Variants in ARFGEF2 observed in about 807,000 individuals in gnomAD.
The protein encoded by ARFGEF2 is ARF guanine nucleotide exchange factor 2, also known as brefeldin A-inhibited guanine nucleotide-exchange protein 2.
A neutral mutation model predicts 219.9 loss-of-function variants in ARFGEF2; 74 were observed. The observed-to-expected ratio is 0.34, with a 90% confidence interval of 0.28 to 0.41. The LOEUF (loss-of-function observed/expected upper bound fraction) is 0.41. ARFGEF2 is among the 10% of genes least tolerant of loss of function. The pLI is 1.00. For synonymous variants in ARFGEF2, 733 were observed against 799.2 expected (o/e 0.92, Z 1.40); for missense variants, 1,743 against 2,218.3 (o/e 0.79, Z 4.30).
intron 14 of ARFGEF2, among the ~76,000 whole-genome samples, chr20:48,978,395 A>G (rs912647929): frequency 2.0e-5 from 3 of 152,186 alleles, no homozygotes; most frequent in African/African-American, 7.2e-5. Context: ...GTTTGAAGTC[A>G]GGTAGTGTGA....
Position 48,998,372 on chromosome 20 carries a change from A to T in ARFGEF2, c.3299A>T (p.Asp1100Val), listed in dbSNP as rs776990168. 2.1e-5 allele frequency: 34 copies of T among 1,613,932 alleles called. No homozygotes were observed. Among genetic ancestry groups the T allele is most frequent in the African/African-American group, 6.7e-5 (5 of 74,890 alleles). The stretch of plus-strand genomic sequence containing the variant: ...CGCTGGCTGTGTGCTGTGTCCATGG[A>T]TGAACTGGCTTCCCCCCACCATCCT... Reference protein sequence around the residue: ...FVRWLCAVSMDELASPHHPRM... With the variant: ...FVRWLCAVSMVELASPHHPRM... Residue 1100 changes from aspartate (D) to valine (V), a missense_variant, in exon 25 of 39, where the codon GAT (aspartate) becomes GTT (valine). This residue lies in a region of ARFGEF2 where 666 missense variants were observed against 955.4 expected (regional missense o/e 0.70). Transcript: ENST00000371917.
chr20:48,969,029 T>C, intron 8 of ARFGEF2, 118 bp from the exon 9 acceptor site: 1 of 948,474 alleles, frequency 1.1e-6, no homozygotes, highest in Admixed American at 2.0e-5. Context: ...GGTGCCATCA[T>C]GGCTTACTGC....
intron 37 of ARFGEF2, among the ~76,000 whole-genome samples, chr20:49,029,744 A>G (rs2091622756): frequency 6.6e-6 from 1 of 151,616 alleles, no homozygotes; most frequent in African/African-American, 2.4e-5. Context: ...GGCGCGTGCC[A>G]CCATACCTGG....
In ARFGEF2 at chr20:48,988,326, G is replaced by T; in HGVS notation, c.2299G>T (p.Asp767Tyr). The change falls in exon 17 of 39, where the codon GAC becomes TAC. Residue 767 changes from aspartate (D) to tyrosine (Y), a missense_variant. Around this residue, in one of 5 missense-constraint regions of ARFGEF2, gnomAD observed 666 missense variants for 955.4 expected, o/e 0.70. Coordinates refer to ENST00000371917, the MANE Select transcript of ARFGEF2 (RefSeq NM_006420.3). ...CAGGCAAACTCTGTTTGCTAGTGCT[G>T]ACACTGCTTATGTCCTAGCGTATTC... ...NQGQTLFASA[D>Y]TAYVLAYSII... 6.2e-7 allele frequency: 1 copy of T among 1,613,514 alleles called. No individual in the cohort carries two copies. The highest frequency in any genetic ancestry group is 1.1e-5 in the South Asian group (1 of 91,050).
chr20:49,013,030 G>A (rs1054886472), intron 28 of ARFGEF2, among the ~76,000 whole-genome samples: 4 of 152,150 alleles, frequency 2.6e-5, no homozygotes, highest in Non-Finnish European at 4.4e-5. Context: ...ACCTTGAGCA[G>A]CTTACTGAAG....
chr20:49,007,794 T>C (rs913969720), intron 26 of ARFGEF2, among the ~76,000 whole-genome samples: 6 of 152,072 alleles, frequency 3.9e-5, no homozygotes, highest in African/African-American at 1.4e-4. Flanking sequence ...CCCTTTACTT[T>C]AGCAAATACA....
At chr20:48,961,216 A>G (rs1306715298) in intron 6 of ARFGEF2, among the ~76,000 whole-genome samples, 1 of 151,730 alleles carries the variant, frequency 6.6e-6, no homozygotes, top group East Asian at 1.9e-4. Flanking sequence ...CTAGTTTAAA[A>G]CAAACACATG....
At chr20:48,935,764 G>A (rs2090945734) in intron 1 of ARFGEF2, among the ~76,000 whole-genome samples, 1 of 149,474 alleles carries the variant, frequency 6.7e-6, no homozygotes, top group African/African-American at 2.5e-5. Flanking sequence ...GGCTGGCTGG[G>A]CGGGGGGCTG....
At chr20:48,951,167 G>A (rs990028759) in intron 3 of ARFGEF2, among the ~76,000 whole-genome samples, 156 bp from the exon 4 acceptor site, 1 of 152,110 alleles carries the variant, frequency 6.6e-6, no homozygotes, top group African/African-American at 2.4e-5. Context: ...CAGGACGAAG[G>A]TTGCAGTCAC....
rs199594231 is a variant in ARFGEF2, at chr20:49,005,165, C to G, written c.3528C>G (p.Asn1176Lys). Residue 1176 changes from asparagine (N) to lysine (K), a missense_variant, in exon 26 of 39, where the codon AAC (asparagine) becomes AAG (lysine). By Grantham distance (94) the Asn-to-Lys change is moderately conservative (BLOSUM62 0). Coordinates refer to ENST00000371917, the MANE Select transcript of ARFGEF2 (RefSeq NM_006420.3). ...TTCTTGAGAAGGGTGAATTAGCCAA[C>G]TTCCGTTTCCAGAAAGATTTTCTGA... ...MKFLEKGELA[N>K]FRFQKDFLRP... 1 of 1,614,088 alleles carries G rather than the reference C, an allele frequency of 6.2e-7. No individual in the cohort carries two copies. The highest frequency in any genetic ancestry group is 1.3e-5 in the African/African-American group (1 of 74,930).
intron 26 of ARFGEF2, among the ~76,000 whole-genome samples, chr20:49,006,501 G>T (rs962654168): frequency 1.3e-5 from 2 of 152,064 alleles, no homozygotes; most frequent in Admixed American, 1.3e-4. Flanking sequence ...GTGGTAATGG[G>T]CTCTGAAGGA....
intron 38 of ARFGEF2, among the ~76,000 whole-genome samples, chr20:49,032,376 T>C (rs2091641168): frequency 6.6e-6 from 1 of 152,114 alleles, no homozygotes; most frequent in South Asian, 2.1e-4. Context: ...GAACAGTAGT[T>C]GAGAACGGCT....
chr20:49,026,042 A>G (rs7262379), intron 36 of ARFGEF2, among the ~76,000 whole-genome samples: 54,746 of 151,614 alleles, frequency 0.36, 10,726 homozygotes, highest in African/African-American at 0.53. Context: ...AGCAAGTCAA[A>G]ACATTTTATG....
chr20:48,983,398 C>T (rs1294851031), intron 14 of ARFGEF2, among the ~76,000 whole-genome samples: 3 of 152,294 alleles, frequency 2.0e-5, no homozygotes, highest in East Asian at 1.9e-4. Flanking sequence ...TTACAGTACT[C>T]ACTTATTAAC....
At chr20:48,992,384 A>G (rs1268659863) in intron 21 of ARFGEF2, among the ~76,000 whole-genome samples, 1 of 152,094 alleles carries the variant, frequency 6.6e-6, no homozygotes, top group Non-Finnish European at 1.5e-5. Flanking sequence ...AATAGAGATG[A>G]GGCTGTGGAG....
At chr20:49,005,643 C>G (rs528690956) in intron 26 of ARFGEF2, among the ~76,000 whole-genome samples, 10 of 144,250 alleles carry the variant, frequency 6.9e-5, no homozygotes, top group Admixed American at 2.3e-4. Context: ...GAGGCTGAGG[C>G]AGGAGAATGG....
intron 4 of ARFGEF2, among the ~76,000 whole-genome samples, chr20:48,952,500 G>A (rs1405922680): frequency 6.6e-6 from 1 of 152,096 alleles, no homozygotes; most frequent in East Asian, 1.9e-4. Context: ...TCATAGAACT[G>A]TTCATTGTTT....
chr20:48,967,924 A>T (rs2091198585), intron 8 of ARFGEF2, among the ~76,000 whole-genome samples: 1 of 152,220 alleles, frequency 6.6e-6, no homozygotes, highest in Non-Finnish European at 1.5e-5. Context: ...GAAGGTTTTC[A>T]TATTTCCTTA....
intron 35 of ARFGEF2, among the ~76,000 whole-genome samples, chr20:49,023,547 T>C (rs1487485735): frequency 7.5e-6 from 1 of 133,320 alleles, no homozygotes; most frequent in Admixed American, 7.2e-5. Context: ...GTTTTTTTTT[T>C]TGTTTTTTTG....
Sources: allele counts gnomAD v4.1 joint callset (sites outside exome capture counted in the v4.1 genomes callset), GRCh38; gene constraint gnomAD v4.1.1; regional missense constraint gnomAD v4.1.1; transcripts MANE v1.5; gene names NCBI Gene and HGNC (gene_info 2026-07-23, HGNC 2026-07-21).